Variants in UBE2G1 observed in about 807,000 individuals in gnomAD.
The protein encoded by UBE2G1 is ubiquitin-conjugating enzyme E2 G1.
Under a neutral mutation model 22.7 loss-of-function variants are expected in UBE2G1, and 5 were observed. That is an observed-to-expected ratio of 0.22 (90% confidence interval 0.12 to 0.46). The LOEUF is 0.46. Ranked by LOEUF, UBE2G1 falls within the 20% of genes least tolerant of loss-of-function variation. The pLI is 0.99. For synonymous variants in UBE2G1, 74 were observed against 67.5 expected (o/e 1.10, Z -0.47); for missense variants, 88 against 203.9 (o/e 0.43, Z 3.46).
chr17:4,289,112 C>T, intron 4 of UBE2G1, 118 bp downstream of exon 4: 2 of 468,970 alleles, frequency 4.3e-6, no homozygotes, highest in Non-Finnish European at 3.2e-6. Context: ...GAGATACACA[C>T]ACACACACAC....
intron 1 of UBE2G1, among the ~76,000 whole-genome samples, chr17:4,337,486 C>G (rs567167888): frequency 5.1e-4 from 78 of 151,758 alleles, no homozygotes; most frequent in African/African-American, 1.7e-3. Flanking sequence ...AACCCTGACT[C>G]TACTAAAAAT....
chr17:4,286,119 A>G (rs897818942), intron 4 of UBE2G1, among the ~76,000 whole-genome samples: 1 of 152,128 alleles, frequency 6.6e-6, no homozygotes, highest in Non-Finnish European at 1.5e-5. Context: ...AAGTAAGAAT[A>G]GTAAACTGGG....
At chr17:4,285,647 T>C (rs1456452524) in intron 4 of UBE2G1, among the ~76,000 whole-genome samples, 1 of 150,994 alleles carries the variant, frequency 6.6e-6, no homozygotes, top group Non-Finnish European at 1.5e-5. Flanking sequence ...GCTGAGAGAG[T>C]CAATCAAATC....
intron 3 of UBE2G1, among the ~76,000 whole-genome samples, chr17:4,294,173 TG>T: frequency 6.6e-6 from 1 of 152,198 alleles, no homozygotes; most frequent in East Asian, 1.9e-4. Context: ...CCCAGCACTT[TG>T]GGAGGCTGAG....
chr17:4,317,504 G>A (rs1969389010), intron 1 of UBE2G1, among the ~76,000 whole-genome samples: 1 of 152,184 alleles, frequency 6.6e-6, no homozygotes, highest in Non-Finnish European at 1.5e-5. Flanking sequence ...GGGAAATACA[G>A]AGTGAGACCC....
At chr17:4,336,963 G>T (rs151249811) in intron 1 of UBE2G1, among the ~76,000 whole-genome samples, 1 of 152,028 alleles carries the variant, frequency 6.6e-6, no homozygotes, top group Non-Finnish European at 1.5e-5. Flanking sequence ...AAAATTTCAG[G>T]AAAGTAGAAA....
intron 1 of UBE2G1, among the ~76,000 whole-genome samples, chr17:4,354,530 T>A (rs971261765): frequency 6.6e-6 from 1 of 152,014 alleles, no homozygotes; most frequent in East Asian, 1.9e-4. Context: ...AGAAAAAAAA[T>A]AAACTCTGAG....
Position 4,363,756 on chromosome 17 carries a change from T to C in UBE2G1, c.46+2515A>G, listed in dbSNP as rs565516128. Among the ~76,000 whole-genome samples the C allele has an allele frequency of 3.4e-5, 5 of 146,606 alleles. No homozygotes were observed. In the East Asian group the frequency reaches 6.1e-4, roughly 18 times the overall value. On this transcript the variant is annotated intron_variant, in intron 1 of 5. Coordinates refer to ENST00000396981, the MANE Select transcript of UBE2G1 (RefSeq NM_003342.5). Reference sequence around the variant, plus strand: ...TCACGAGGTCAGGAGATCAAGACCATCCTGGCTAACACAGTGAAACCCCGT... The same window carrying C: ...TCACGAGGTCAGGAGATCAAGACCACCCTGGCTAACACAGTGAAACCCCGT...
rs572805545 is a variant in UBE2G1 at position 4,277,927 on chromosome 17, T to G, written c.*37+4871A>C. On this transcript the variant is annotated intron_variant, in intron 5 of 5. Coordinates refer to ENST00000396981, the MANE Select transcript of UBE2G1 (RefSeq NM_003342.5). ...ACAGGTATCTTTTACATTTTTTTTT[T>G]TTTGTTTGAGATGGAGTCTCACTCT... Among the ~76,000 whole-genome samples the G allele has an allele frequency of 3.8e-3, 579 of 152,236 alleles. 4 individuals are homozygous for G. The highest frequency in any genetic ancestry group is 5.8e-3 in the Non-Finnish European group (395 of 68,010).
chr17:4,291,175 A>T (rs905073525), intron 3 of UBE2G1, among the ~76,000 whole-genome samples: 1 of 152,190 alleles, frequency 6.6e-6, no homozygotes, highest in Non-Finnish European at 1.5e-5. Flanking sequence ...AGCCTGGCCA[A>T]CATGGAGAAA....
chr17:4,305,875 T>TA (rs1468830387), intron 2 of UBE2G1, among the ~76,000 whole-genome samples: 1 of 152,150 alleles, frequency 6.6e-6, no homozygotes, highest in Non-Finnish European at 1.5e-5. Context: ...TACATACTAG[T>TA]AAATTTAAGT....
intron 4 of UBE2G1, among the ~76,000 whole-genome samples, chr17:4,283,301 G>A (rs1968917361): frequency 1.3e-5 from 2 of 152,116 alleles, no homozygotes. Context: ...TCACGAGGTC[G>A]GGAGTTTGAG....
intron 4 of UBE2G1, among the ~76,000 whole-genome samples, chr17:4,286,392 G>C (rs1207280134): frequency 2.9e-5 from 4 of 137,812 alleles, no homozygotes; most frequent in African/African-American, 1.1e-4. Context: ...GTAACAGAGT[G>C]AGACTCTGTC....
At chr17:4,349,267 C>T (rs879805741) in intron 1 of UBE2G1, among the ~76,000 whole-genome samples, 2 of 152,018 alleles carry the variant, frequency 1.3e-5, no homozygotes, top group Non-Finnish European at 2.9e-5. Context: ...TTGCAGTGAG[C>T]CAAATTTGCA....
chr17:4,347,980 CACA>C (rs1172024266), intron 1 of UBE2G1, among the ~76,000 whole-genome samples: 2 of 152,192 alleles, frequency 1.3e-5, no homozygotes, highest in African/African-American at 4.8e-5. Context: ...TATCCTGAGA[CACA>C]ACAATACTGA....
intron 1 of UBE2G1, among the ~76,000 whole-genome samples, chr17:4,330,056 G>C (rs1308435862): frequency 6.6e-6 from 1 of 151,880 alleles, no homozygotes. Flanking sequence ...CATCTACAAA[G>C]TTTTACACGT....
intron 5 of UBE2G1, 111 bp downstream of exon 5, chr17:4,282,687 A>G (rs950153426): frequency 4.3e-6 from 3 of 703,026 alleles, no homozygotes; most frequent in Admixed American, 5.8e-5. Flanking sequence ...AATACCATTA[A>G]AAAATGAAGT....
At position 4,312,576 on chromosome 17, in the gene UBE2G1, G is replaced by A. The variant is rs1039436037; in HGVS notation, c.47-5453C>T. Among the ~76,000 whole-genome samples the A allele has an allele frequency of 7.3e-5, 11 of 151,260 alleles. No individual in the cohort carries two copies. The East Asian group carries it at 7.9e-4, about 11-fold the overall frequency. On this transcript the variant is annotated intron_variant, in intron 1 of 5. Transcript: ENST00000396981. The stretch of plus-strand genomic sequence containing the variant: ...CCGGGCGTGGTGGCGGGCACCTGTA[G>A]TCCCAGCTACTCGGGAGGCTGAGGC...
intron 4 of UBE2G1, among the ~76,000 whole-genome samples, chr17:4,286,404 CAA>C (rs11312770): frequency 1.2e-3 from 136 of 117,366 alleles, no homozygotes; most frequent in African/African-American, 1.3e-3. Flanking sequence ...GACTCTGTCT[CAA>C]AAAAAAAAAA....
Sources: gnomAD v4.1 joint callset for allele counts (sites outside exome capture counted in the v4.1 genomes callset) on GRCh38, gnomAD v4.1.1 for gene constraint, MANE v1.5 for transcripts, NCBI Gene and HGNC (gene_info 2026-07-23, HGNC 2026-07-21) for gene names.